Variants in DPP10 observed in about 807,000 individuals in gnomAD.
DPP10 encodes dipeptidyl peptidase like 10, also known as inactive dipeptidyl peptidase 10.
A neutral mutation model predicts 120.9 loss-of-function variants in DPP10; 33 were observed. That is an observed-to-expected ratio of 0.27 (90% CI 0.21 to 0.37). The LOEUF (loss-of-function observed/expected upper bound fraction) is 0.37. DPP10 is among the 10% of genes least tolerant of loss of function. The probability of loss-of-function intolerance (pLI) is 1.00; values close to 1 mark genes in which losing one functional copy is unlikely to be tolerated. For synonymous variants in DPP10, 337 were observed against 326.1 expected (o/e 1.03, Z -0.36); for missense variants, 816 against 942.8 (o/e 0.87, Z 1.76).
In DPP10 at chr2:115,142,631, G is replaced by A. The variant is rs146178728; in HGVS notation, c.61-166608G>A. Among the ~76,000 whole-genome samples the A allele has an allele frequency of 8.5e-5, 13 of 152,298 alleles. No homozygotes were observed. In the East Asian group the frequency reaches 1.9e-3, roughly 23 times the overall value. ...AGCTCTCAAAGAAAGAGAGGGAAGCGCTAACTGGGCAGCTTCTTTGGCTTC... is the reference window on the plus strand; with the variant it reads ...AGCTCTCAAAGAAAGAGAGGGAAGCACTAACTGGGCAGCTTCTTTGGCTTC... On this transcript the variant is annotated intron_variant, in intron 1 of 25. Transcript: ENST00000410059.
At position 114,875,741 on chromosome 2, in the gene DPP10, A is replaced by G. The variant is rs904307066; in HGVS notation, c.60+432903A>G. ...CAATTGAATTACTAAAATCCTTGGC[A>G]TAAACATACTTCTATGTCACATGCT... On this transcript the variant is annotated intron_variant, in intron 1 of 25. Transcript: ENST00000410059. 3.3e-5 allele frequency among the ~76,000 whole-genome samples: 5 copies of G among 152,158 alleles called. No individual in the cohort carries two copies. In the South Asian group the frequency reaches 6.2e-4, roughly 19 times the overall value.
intron 1 of DPP10, among the ~76,000 whole-genome samples, chr2:114,549,428 C>A (rs1203635250): frequency 6.6e-6 from 1 of 151,928 alleles, no homozygotes; most frequent in Non-Finnish European, 1.5e-5. Context: ...TTTGGGATGC[C>A]AAGGTGGGCA....
intron 5 of DPP10, among the ~76,000 whole-genome samples, chr2:115,644,617 G>GA (rs374225458): frequency 0.12 from 17,049 of 138,084 alleles, 1,114 homozygotes; most frequent in African/African-American, 0.2. Flanking sequence ...TAAGGTATTT[G>GA]AAAAAAAAAA....
intron 3 of DPP10, among the ~76,000 whole-genome samples, chr2:115,437,627 GAA>G (rs1459169513): frequency 6.6e-6 from 1 of 152,028 alleles, no homozygotes; most frequent in Non-Finnish European, 1.5e-5. Flanking sequence ...TGCTGGATAG[GAA>G]AACAGGTGGC....
chr2:115,689,631 C>T (rs919989914), intron 5 of DPP10, 56 bp from the exon 6 acceptor site: 3 of 1,056,588 alleles, frequency 2.8e-6, no homozygotes, highest in East Asian at 2.6e-5. Flanking sequence ...AATATATATA[C>T]ATATATTCAC....
At chr2:115,407,494 C>T (rs1271004490) in intron 3 of DPP10, among the ~76,000 whole-genome samples, 1 of 152,130 alleles carries the variant, frequency 6.6e-6, no homozygotes, top group African/African-American at 2.4e-5. Context: ...CAAAAGGGGC[C>T]ATTGTCCAAG....
At chr2:114,573,859 C>A (rs897204601) in intron 1 of DPP10, among the ~76,000 whole-genome samples, 2 of 152,174 alleles carry the variant, frequency 1.3e-5, no homozygotes, top group African/African-American at 4.8e-5. Context: ...CATCAGGAGT[C>A]TGCTGCAAAG....
intron 1 of DPP10, among the ~76,000 whole-genome samples, chr2:115,174,719 C>T (rs2105089328): frequency 6.6e-6 from 1 of 152,302 alleles, no homozygotes; most frequent in South Asian, 2.1e-4. Context: ...GTTTTCTTAA[C>T]ATTCCCAAGC....
At chr2:115,316,421 G>T (rs2061796312) in intron 2 of DPP10, among the ~76,000 whole-genome samples, 1 of 151,910 alleles carries the variant, frequency 6.6e-6, no homozygotes, top group Non-Finnish European at 1.5e-5. Flanking sequence ...TATGATTTTT[G>T]TAATTAGTAA....
chr2:114,652,634 T>C (rs1308256686), intron 1 of DPP10, among the ~76,000 whole-genome samples: 1 of 152,228 alleles, frequency 6.6e-6, no homozygotes, highest in East Asian at 1.9e-4. Flanking sequence ...GAAGGTGTGT[T>C]ATAGTGGATG....
At chr2:114,568,772 C>T (rs1689405664) in intron 1 of DPP10, among the ~76,000 whole-genome samples, 1 of 152,158 alleles carries the variant, frequency 6.6e-6, no homozygotes, top group Non-Finnish European at 1.5e-5. Context: ...TGTAGGTGTA[C>T]CTATCCCTCT....
chr2:115,638,037 T>C (rs902017218), intron 5 of DPP10, among the ~76,000 whole-genome samples: 2 of 152,224 alleles, frequency 1.3e-5, no homozygotes, highest in African/African-American at 4.8e-5. Flanking sequence ...ATTAATAAAA[T>C]CTTTGGAATG....
At chr2:115,340,418 A>C (rs1408011222) in intron 2 of DPP10, among the ~76,000 whole-genome samples, 1 of 152,024 alleles carries the variant, frequency 6.6e-6, no homozygotes, top group Non-Finnish European at 1.5e-5. Flanking sequence ...ATGAGGATGG[A>C]ATATTTCTGA....
At chr2:115,372,322 T>C (rs2065468903) in intron 3 of DPP10, among the ~76,000 whole-genome samples, 4 of 152,168 alleles carry the variant, frequency 2.6e-5, no homozygotes, top group Admixed American at 2.6e-4. Flanking sequence ...TTCTTTTTAA[T>C]TGCAAGTCTG....
At chr2:115,673,055 G>A (rs1475968032) in intron 5 of DPP10, among the ~76,000 whole-genome samples, 1 of 151,930 alleles carries the variant, frequency 6.6e-6, no homozygotes, top group Non-Finnish European at 1.5e-5. Context: ...GACTATCATG[G>A]CTTATATTTT....
At chr2:115,805,563 A>G (rs554184741) in intron 19 of DPP10, among the ~76,000 whole-genome samples, 1 of 146,836 alleles carries the variant, frequency 6.8e-6, no homozygotes, top group African/African-American at 2.5e-5. Flanking sequence ...CTATTCGGCC[A>G]TCTTGGCTCC....
chr2:114,789,293 C>T lies in DPP10; in HGVS notation c.60+346455C>T, dbSNP rs548436912. 3.9e-5 allele frequency among the ~76,000 whole-genome samples: 6 copies of T among 152,242 alleles called. No individual in the cohort carries two copies. In the Middle Eastern group the frequency reaches 0.017, roughly 432 times the overall value. On this transcript the variant is annotated intron_variant, in intron 1 of 25. Coordinates refer to ENST00000410059, the MANE Select transcript of DPP10 (RefSeq NM_020868.6). ...TATTTTATGCCTGACTAGAGCTTTG[C>T]AAGGTTAAATAGGGAAGAAAGATAA... is the stretch of plus-strand genomic sequence containing the variant.
chr2:115,470,295 G>A (rs963350322), intron 3 of DPP10, among the ~76,000 whole-genome samples: 1 of 152,120 alleles, frequency 6.6e-6, no homozygotes, highest in South Asian at 2.1e-4. Context: ...TGGTAAAACT[G>A]TTTCTGTTAC....
intron 1 of DPP10, among the ~76,000 whole-genome samples, chr2:114,669,722 G>A (rs1035625772): frequency 6.6e-6 from 1 of 151,942 alleles, no homozygotes; most frequent in Non-Finnish European, 1.5e-5. Flanking sequence ...AGCAGTTTTG[G>A]TAAGTGATAT....
Sources: allele counts gnomAD v4.1 joint callset (sites outside exome capture counted in the v4.1 genomes callset), GRCh38; gene constraint gnomAD v4.1.1; transcripts MANE v1.5; gene names NCBI Gene and HGNC (gene_info 2026-07-23, HGNC 2026-07-21).